Variants in FAAH2 observed in about 807,000 individuals in gnomAD.
The protein encoded by FAAH2 is fatty-acid amide hydrolase 2.
FAAH2 carries 60 observed loss-of-function variants against 36.9 expected under a neutral mutation model. The observed-to-expected ratio is 1.63, with a 90% CI of 1.32 to 2.02. The LOEUF (loss-of-function observed/expected upper bound fraction) is 2.02, where lower values mean the gene tolerates loss of function less well. FAAH2 is among the 30% of genes most tolerant of loss of function. The probability of loss-of-function intolerance (pLI) is 0.00; values close to 1 mark genes in which losing one functional copy is unlikely to be tolerated. For missense variants in FAAH2, 689 were observed against 397.5 expected, an observed-to-expected ratio of 1.73 and a Z score of -6.23; for synonymous variants, 214 against 143.8, an observed-to-expected ratio of 1.49 and a Z score of -3.49.
chrX:57,193,731 T>C, the FAAH2 span, among the ~76,000 whole-genome samples: 1,662 of 111,881 alleles, frequency 0.015, 39 homozygotes, highest in African/African-American at 0.051. Context: ...CGATATTTAT[T>C]ATGAAGGGAG....
the FAAH2 span, among the ~76,000 whole-genome samples, chrX:57,200,997 A>T: frequency 9.1e-6 from 1 of 109,909 alleles, no homozygotes; most frequent in East Asian, 2.9e-4. Flanking sequence ...CAAATTTTTA[A>T]TTCCCCCTTT....
chrX:57,257,721 G>C, the FAAH2 span, among the ~76,000 whole-genome samples: 1 of 111,024 alleles, frequency 9.0e-6, no homozygotes, highest in African/African-American at 3.3e-5. Context: ...CATACCATTT[G>C]TAATGGCACC....
At chrX:57,330,557 A>G (rs1021216875) in intron 3 of FAAH2, among the ~76,000 whole-genome samples, 1 of 110,611 alleles carries the variant, frequency 9.0e-6, no homozygotes, top group East Asian at 2.9e-4. Context: ...ATATTCTATT[A>G]TGTTGTGAAG....
chrX:57,344,520 C>A (rs2147068312), intron 5 of FAAH2, among the ~76,000 whole-genome samples: 1 of 110,970 alleles, frequency 9.0e-6, no homozygotes, highest in South Asian at 3.7e-4. Context: ...CTTTTTGAAT[C>A]ATATTGTCAG....
intron 4 of FAAH2, among the ~76,000 whole-genome samples, chrX:57,339,068 A>G (rs1569272917): frequency 9.0e-6 from 1 of 111,525 alleles, no homozygotes; most frequent in Non-Finnish European, 1.9e-5. Flanking sequence ...AAACAAACAC[A>G]TAGACCAATG....
At chrX:57,203,059 G>T in the FAAH2 span, among the ~76,000 whole-genome samples, 1 of 111,999 alleles carries the variant, frequency 8.9e-6, no homozygotes, top group African/African-American at 3.2e-5. Context: ...ACCCAGTGAC[G>T]CTAAAGGAAT....
At chrX:57,377,868 T>A (rs941750888) in intron 5 of FAAH2, among the ~76,000 whole-genome samples, 12 of 111,998 alleles carry the variant, frequency 1.1e-4, no homozygotes, top group Non-Finnish European at 2.1e-4. Context: ...ACATCCCGTG[T>A]AAGTTGTATT....
the FAAH2 span, among the ~76,000 whole-genome samples, chrX:57,153,277 C>A: frequency 2.7e-5 from 3 of 111,736 alleles, no homozygotes; most frequent in African/African-American, 9.8e-5. Flanking sequence ...AGGTGAGTCT[C>A]TTGAAGGCAG....
chrX:57,369,185 AAAATAATGTAAAAGAGC>A (rs1203022158), intron 5 of FAAH2, among the ~76,000 whole-genome samples: 3 of 110,002 alleles, frequency 2.7e-5, no homozygotes, highest in African/African-American at 6.6e-5. Flanking sequence ...GAATAAAAAT[AAAATAATGTAAAAGAGC>A]AAATAATGTA....
intron 7 of FAAH2, among the ~76,000 whole-genome samples, chrX:57,383,722 C>T (rs760770387): frequency 8.9e-6 from 1 of 111,802 alleles, no homozygotes; most frequent in Non-Finnish European, 1.9e-5. Context: ...TAGGAAAAAT[C>T]AATATCATGA....
chrX:57,482,908 T>G lies in FAAH2; in HGVS notation c.1424-5849T>G, dbSNP rs886621127. On this transcript the variant is annotated intron_variant, in intron 10 of 10. Transcript: ENST00000374900. ...AGCCTGATTGGTTTTGTTTTATAGG[T>G]GCTTTGATCCTTTTCTCTACCTATC... 1.3e-4 allele frequency among the ~76,000 whole-genome samples: 14 copies of G among 110,084 alleles called. No individual in the cohort carries two copies. In the East Asian group the frequency reaches 4.0e-3, roughly 31 times the overall value.
chrX:57,162,672 A>C, the FAAH2 span, among the ~76,000 whole-genome samples: 1 of 111,832 alleles, frequency 8.9e-6, no homozygotes, highest in African/African-American at 3.3e-5. Context: ...AGGCTTCTGC[A>C]TTCTTCACGT....
chrX:57,426,184 G>A (rs1044853713), intron 7 of FAAH2, among the ~76,000 whole-genome samples: 3 of 111,723 alleles, frequency 2.7e-5, no homozygotes, highest in African/African-American at 6.5e-5. Context: ...GTAAAAAAAG[G>A]TCAGTATATA....
chrX:57,244,431 A>G, the FAAH2 span, among the ~76,000 whole-genome samples: 94 of 111,299 alleles, frequency 8.4e-4, no homozygotes, highest in African/African-American at 3.0e-3. Context: ...AGGAACCCCA[A>G]GGCACATAAT....
chrX:57,400,854 G>T (rs2055415203), intron 7 of FAAH2, among the ~76,000 whole-genome samples: 1 of 112,450 alleles, frequency 8.9e-6, no homozygotes, highest in Non-Finnish European at 1.9e-5. Context: ...TGGGCGCAGT[G>T]GCTCATGCCT....
chrX:57,167,777 C>T, the FAAH2 span, among the ~76,000 whole-genome samples: 2 of 111,186 alleles, frequency 1.8e-5, no homozygotes, highest in African/African-American at 3.3e-5. Flanking sequence ...AAAATATATA[C>T]TAGGTATTGT....
intron 10 of FAAH2, among the ~76,000 whole-genome samples, chrX:57,465,705 G>C (rs2147230444): frequency 9.0e-6 from 1 of 111,216 alleles, no homozygotes; most frequent in East Asian, 2.8e-4. Context: ...CTTGGTGAAA[G>C]AAAGTGACAC....
chrX:57,306,521 C>T (rs962447487), intron 2 of FAAH2, among the ~76,000 whole-genome samples: 2 of 109,654 alleles, frequency 1.8e-5, no homozygotes, highest in African/African-American at 3.3e-5. Context: ...TGATGTAGCT[C>T]TGGACTCTCA....
the FAAH2 span, among the ~76,000 whole-genome samples, chrX:57,258,209 C>A: frequency 2.7e-5 from 3 of 110,732 alleles, no homozygotes; most frequent in Admixed American, 1.9e-4. Flanking sequence ...GATAGTGTGA[C>A]CTATAAGTAG....
Sources: gnomAD v4.1 joint callset for allele counts (sites outside exome capture counted in the v4.1 genomes callset) on GRCh38, gnomAD v4.1.1 for gene constraint, MANE v1.5 for transcripts, NCBI Gene and HGNC (gene_info 2026-07-23, HGNC 2026-07-21) for gene names.